Variants in OTUD7B observed in about 807,000 individuals in gnomAD.
The protein encoded by OTUD7B is OTU deubiquitinase 7B, also known as OTU domain-containing protein 7B.
Under a neutral mutation model 82.2 loss-of-function variants are expected in OTUD7B, and 34 were observed. The observed-to-expected ratio is 0.41, with a 90% CI of 0.31 to 0.55. OTUD7B has a LOEUF of 0.55. Ranked by LOEUF, OTUD7B falls within the 20% of genes least tolerant of loss-of-function variation. OTUD7B has a pLI of 0.20. For synonymous variants in OTUD7B, 398 were observed against 402.7 expected, an observed-to-expected ratio of 0.99 and a Z score of 0.14; for missense variants, 944 against 1,062.1, an observed-to-expected ratio of 0.89 and a Z score of 1.55.
At chr1:150,040,834 C>T in the OTUD7B span, among the ~76,000 whole-genome samples, 2 of 151,680 alleles carry the variant, frequency 1.3e-5, no homozygotes, top group African/African-American at 4.9e-5. Context: ...CCCAGCCTCC[C>T]AAATAGCTGG....
the OTUD7B span, among the ~76,000 whole-genome samples, chr1:150,061,804 T>C: frequency 6.6e-6 from 1 of 152,222 alleles, no homozygotes; most frequent in Non-Finnish European, 1.5e-5. Context: ...AATGATGTAT[T>C]AGTCTTTATG....
At chr1:149,981,014 CAAAAAAAAAAAAAAA>C (rs1156427665) in intron 1 of OTUD7B, among the ~76,000 whole-genome samples, 3 of 57,696 alleles carry the variant, frequency 5.2e-5, no homozygotes, top group African/African-American at 2.0e-4. Context: ...GACCCTGTTT[CAAAAAAAAAAAAAAA>C]AAAAAAAAAA....
Position 149,959,533 on chromosome 1 carries a change from T to C in OTUD7B, c.845+151A>G, listed in dbSNP as rs74576695. On this transcript the variant is annotated intron_variant, in intron 7 of 11. Transcript: ENST00000581312. Reference sequence around the variant, plus strand: ...CCGAACTACCTGTAGTTCCTAAACATATCATGTTGTTACACACTTTTGTGC... The same window carrying C: ...CCGAACTACCTGTAGTTCCTAAACACATCATGTTGTTACACACTTTTGTGC... 7.9e-3 allele frequency: 4,850 copies of C among 614,572 alleles called. 304 individuals are homozygous for C. In the East Asian group the frequency reaches 0.12, roughly 15 times the overall value. The allele number at this position is 614,572 out of a possible 1,614,324, so 38.1% of individuals were successfully genotyped here.
the OTUD7B span, among the ~76,000 whole-genome samples, chr1:150,023,271 A>G: frequency 6.6e-6 from 1 of 152,250 alleles, no homozygotes; most frequent in Admixed American, 6.5e-5. Flanking sequence ...CATAAAATCC[A>G]GCAATTCAAC....
intron 1 of OTUD7B, among the ~76,000 whole-genome samples, chr1:149,991,575 G>T (rs1471170107): frequency 2.6e-5 from 4 of 152,128 alleles, no homozygotes; most frequent in Non-Finnish European, 5.9e-5. Flanking sequence ...TAAACTTTTA[G>T]AACTAGAACA....
chr1:150,033,688 T>C, the OTUD7B span, among the ~76,000 whole-genome samples: 2 of 152,156 alleles, frequency 1.3e-5, no homozygotes, highest in African/African-American at 4.8e-5. Context: ...TACATACTAA[T>C]ATTATGACAT....
At chr1:150,031,279 A>G in the OTUD7B span, among the ~76,000 whole-genome samples, 2 of 152,196 alleles carry the variant, frequency 1.3e-5, no homozygotes, top group South Asian at 2.1e-4. Flanking sequence ...AACTACCTGC[A>G]TTATACTCCT....
chr1:149,987,346 C>T (rs782607940), intron 1 of OTUD7B, among the ~76,000 whole-genome samples: 48 of 152,344 alleles, frequency 3.2e-4, no homozygotes, highest in Non-Finnish European at 6.0e-4. Flanking sequence ...CTCAACTCCA[C>T]ATCAGAAGAA....
chr1:149,953,087 A>T (rs1463743812), intron 7 of OTUD7B, among the ~76,000 whole-genome samples: 4 of 152,124 alleles, frequency 2.6e-5, no homozygotes, highest in Admixed American at 6.5e-5. Context: ...TTTTGTTGCC[A>T]TTGCTTTTGG....
chr1:150,047,728 T>A, the OTUD7B span: 1 of 152,178 alleles, frequency 6.6e-6, no homozygotes, highest in South Asian at 2.1e-4. Context: ...CCGAGGCGGG[T>A]GGATCACGAG....
chr1:149,950,416 T>C (rs1332976065), intron 7 of OTUD7B, among the ~76,000 whole-genome samples, 195 bp from the exon 8 acceptor site: 3 of 152,182 alleles, frequency 2.0e-5, no homozygotes, highest in Non-Finnish European at 2.9e-5. Flanking sequence ...TTTTCACAGA[T>C]GGGGAAATCC....
chr1:149,955,529 G>A (rs1553774386), intron 7 of OTUD7B, among the ~76,000 whole-genome samples: 1 of 152,200 alleles, frequency 6.6e-6, no homozygotes, highest in East Asian at 1.9e-4. Context: ...TTGATTTGGG[G>A]TGAAGAGTTC....
At chr1:150,042,137 CCCTCCCTT>C in the OTUD7B span, among the ~76,000 whole-genome samples, 4 of 118,820 alleles carry the variant, frequency 3.4e-5, no homozygotes, top group East Asian at 2.4e-4. Context: ...CTCCCTCCCT[CCCTCCCTT>C]CCTTCCTCCC....
chr1:150,043,560 G>A, the OTUD7B span, among the ~76,000 whole-genome samples: 1 of 152,038 alleles, frequency 6.6e-6, no homozygotes, highest in South Asian at 2.1e-4. Context: ...GTGAATTCGT[G>A]AGTTCACCCC....
the OTUD7B span, among the ~76,000 whole-genome samples, chr1:150,066,635 A>G: frequency 6.6e-6 from 1 of 152,198 alleles, no homozygotes; most frequent in East Asian, 1.9e-4. The surrounding 1 kb of genome is among the most constrained non-coding windows in gnomAD (Gnocchi z 4.6). Context: ...TCCTGAATCT[A>G]TTGACCTCAC....
chr1:149,981,573 C>T (rs79792697), intron 1 of OTUD7B, among the ~76,000 whole-genome samples: 1,698 of 152,226 alleles, frequency 0.011, 39 homozygotes, highest in African/African-American at 0.039. Flanking sequence ...TTTACATAAA[C>T]ATTTGTTGTA....
chr1:149,980,146 A>G (rs781883111), intron 1 of OTUD7B, among the ~76,000 whole-genome samples: 1 of 151,780 alleles, frequency 6.6e-6, no homozygotes, highest in African/African-American at 2.4e-5. Flanking sequence ...TAGATCTCAC[A>G]TGTCAACACA....
Position 149,943,769 on chromosome 1 carries a change from C to T in OTUD7B, c.*88G>A. On this transcript the variant is annotated 3_prime_UTR_variant, in exon 12 of 12. Coordinates refer to ENST00000581312, the MANE Select transcript of OTUD7B (RefSeq NM_020205.4). Reference sequence around the variant, plus strand: ...CTCCCACAAACATTACTGCATTTTCCCCCTCAACATGGGGACTGTGTTCTT... The same window carrying T: ...CTCCCACAAACATTACTGCATTTTCTCCCTCAACATGGGGACTGTGTTCTT... 3 of 1,316,430 alleles carry T rather than the reference C, an allele frequency of 2.3e-6. No homozygotes were observed. The highest frequency in any genetic ancestry group is 1.3e-5 in the South Asian group (1 of 75,400). 81.5% of individuals were successfully genotyped at this position (1,316,430 alleles called of 1,614,324 possible).
the OTUD7B span, among the ~76,000 whole-genome samples, chr1:150,028,091 G>A: frequency 2.0e-5 from 3 of 152,144 alleles, no homozygotes; most frequent in African/African-American, 7.2e-5. Context: ...GTTTTCACTA[G>A]ATCATCTGTA....
Sources: gnomAD v4.1 joint callset for allele counts (sites outside exome capture counted in the v4.1 genomes callset) on GRCh38, gnomAD v4.1.1 for gene constraint, Gnocchi (gnomAD v3.1) non-coding constraint, MANE v1.5 for transcripts, NCBI Gene and HGNC (gene_info 2026-07-23, HGNC 2026-07-21) for gene names.